The following SOX5 variants were observed in gnomAD, a reference collection of about 807,000 sequenced individuals.
The protein encoded by SOX5 is SRY-box transcription factor 5.
A neutral mutation model predicts 92.0 loss-of-function variants in SOX5; 9 were observed. The observed-to-expected ratio is 0.10, with a 90% confidence interval of 0.06 to 0.17. The LOEUF (loss-of-function observed/expected upper bound fraction) is 0.17. Among genes scored for constraint, SOX5 ranks in the 10% least tolerant of loss-of-function variants. The pLI is 1.00. For missense variants in SOX5, 642 were observed against 944.5 expected (o/e 0.68, Z 4.20); for synonymous variants, 344 against 336.3 (o/e 1.02, Z -0.25).
At chr12:23,732,301 T>G (rs776365724) in intron 6 of SOX5, among the ~76,000 whole-genome samples, 5 of 152,166 alleles carry the variant, frequency 3.3e-5, no homozygotes, top group Non-Finnish European at 7.4e-5. Flanking sequence ...TTTCTACATA[T>G]GTCACCACAT....
chr12:24,369,720 T>G (rs1956535390), intron 1 of SOX5, among the ~76,000 whole-genome samples: 1 of 152,222 alleles, frequency 6.6e-6, no homozygotes, highest in African/African-American at 2.4e-5. Flanking sequence ...TGAGGTTGGT[T>G]TTGGGAACCC....
intron 4 of SOX5, among the ~76,000 whole-genome samples, chr12:24,053,186 C>A (rs1479872755): frequency 1.3e-4 from 19 of 144,508 alleles, no homozygotes; most frequent in African/African-American, 3.6e-4. Context: ...ACGCCCCCCC[C>A]CTTTTTTTTT....
chr12:23,974,532 T>A (rs1038125541), intron 4 of SOX5, among the ~76,000 whole-genome samples: 3 of 152,198 alleles, frequency 2.0e-5, no homozygotes, highest in African/African-American at 7.2e-5. Flanking sequence ...TCAGCATAGA[T>A]AAAGTCATAA....
intron 3 of SOX5, among the ~76,000 whole-genome samples, chr12:23,816,489 CGCCTA>C (rs2095997380): frequency 6.6e-6 from 1 of 152,022 alleles, no homozygotes; most frequent in Admixed American, 6.6e-5. Flanking sequence ...TGAGCCACTG[CGCCTA>C]GCCAGGACAA....
chr12:24,210,017 C>CAAAAAAA (rs1173723179), intron 4 of SOX5, among the ~76,000 whole-genome samples: 5 of 62,704 alleles, frequency 8.0e-5, no homozygotes, highest in Admixed American at 2.7e-4. Context: ...GACTCCGTCT[C>CAAAAAAA]AAAAAAAAAA....
chr12:23,537,839 C>G (rs921347470), intron 13 of SOX5, among the ~76,000 whole-genome samples: 5 of 152,078 alleles, frequency 3.3e-5, no homozygotes, highest in Admixed American at 3.3e-4. Context: ...TGCGGACCCT[C>G]GCGGTGAGTG....
chr12:23,752,514 C>T (rs1037490405), intron 4 of SOX5, among the ~76,000 whole-genome samples: 1 of 151,816 alleles, frequency 6.6e-6, no homozygotes, highest in Non-Finnish European at 1.5e-5. Flanking sequence ...CGACATGGAT[C>T]CCCAGATACT....
intron 6 of SOX5, among the ~76,000 whole-genome samples, chr12:23,689,309 T>C (rs1438115418): frequency 6.6e-6 from 1 of 152,128 alleles, no homozygotes; most frequent in Non-Finnish European, 1.5e-5. Context: ...TTGCATATGC[T>C]GTCAAAACCA....
chr12:24,127,904 A>G (rs1321142489), intron 4 of SOX5, among the ~76,000 whole-genome samples: 1 of 152,204 alleles, frequency 6.6e-6, no homozygotes, highest in Admixed American at 6.5e-5. Context: ...ACAGTTCCCA[A>G]GAGAGTCTAC....
intron 3 of SOX5, among the ~76,000 whole-genome samples, chr12:23,772,533 T>C (rs1414613100): frequency 3.9e-5 from 6 of 152,210 alleles, no homozygotes; most frequent in Non-Finnish European, 7.4e-5. Flanking sequence ...AAATGCGCAA[T>C]GAAAACCTTT....
At chr12:23,703,461 A>T (rs2090949669) in intron 6 of SOX5, among the ~76,000 whole-genome samples, 1 of 152,008 alleles carries the variant, frequency 6.6e-6, no homozygotes, top group African/African-American at 2.4e-5. Context: ...AATAATTGTG[A>T]AAGTTGCTTA....
At chr12:23,878,925 GAAGTTACT>G (rs1406879842) in intron 2 of SOX5, among the ~76,000 whole-genome samples, 1 of 152,080 alleles carries the variant, frequency 6.6e-6, no homozygotes, top group East Asian at 1.9e-4. Context: ...GCCTGCCCCT[GAAGTTACT>G]CCTTTTAGCT....
At chr12:23,593,827 A>C (rs1951931673) in intron 9 of SOX5, among the ~76,000 whole-genome samples, 1 of 152,034 alleles carries the variant, frequency 6.6e-6, no homozygotes, top group Admixed American at 6.6e-5. Context: ...AGCATATACT[A>C]ACTGGAAAGA....
chr12:23,650,316 C>T (rs973504771), intron 7 of SOX5, among the ~76,000 whole-genome samples: 4 of 152,078 alleles, frequency 2.6e-5, no homozygotes, highest in Non-Finnish European at 4.4e-5. Context: ...AATTATACTT[C>T]GGGACCATTT....
chr12:24,059,202 T>G, intron 4 of SOX5, among the ~76,000 whole-genome samples: 1 of 152,236 alleles, frequency 6.6e-6, no homozygotes, highest in East Asian at 1.9e-4. Flanking sequence ...ATTGAAATTC[T>G]GGCATTAAAT....
At chr12:24,345,922 A>C (rs939384525) in intron 2 of SOX5, among the ~76,000 whole-genome samples, 12 of 152,172 alleles carry the variant, frequency 7.9e-5, no homozygotes. Context: ...CTCTAGGTAC[A>C]CCTTTCCTTC....
At chr12:23,625,110 C>T (rs1051654736) in intron 8 of SOX5, among the ~76,000 whole-genome samples, 2 of 152,154 alleles carry the variant, frequency 1.3e-5, no homozygotes, top group African/African-American at 4.8e-5. Context: ...AAGAATATAA[C>T]GTAATGATAG....
chr12:24,347,460 A>T (rs1335487613), intron 2 of SOX5, among the ~76,000 whole-genome samples: 1 of 152,136 alleles, frequency 6.6e-6, no homozygotes, highest in Non-Finnish European at 1.5e-5. Context: ...TTTTGTGATG[A>T]GAACACTTAA....
intron 4 of SOX5, among the ~76,000 whole-genome samples, chr12:24,068,723 TATATATATATATATATATATATATAC>T (rs1283438349): frequency 1.3e-4 from 11 of 86,488 alleles, no homozygotes; most frequent in African/African-American, 3.3e-4. Context: ...TATATATATA[TATATATATATATATATATATATATAC>T]ACACACACAC....
Sources: allele counts gnomAD v4.1 joint callset (sites outside exome capture counted in the v4.1 genomes callset), GRCh38; gene constraint gnomAD v4.1.1; transcripts MANE v1.5; gene names NCBI Gene and HGNC (gene_info 2026-07-23, HGNC 2026-07-21).